The following NARS2 variants were observed in gnomAD, a reference collection of about 807,000 sequenced individuals.
NARS2 encodes the protein asparaginyl-tRNA synthetase.
In NARS2, 60 loss-of-function variants were observed where a neutral mutation model predicts 62.9. That is an observed-to-expected ratio of 0.95 (90% CI 0.77 to 1.18). NARS2 has a LOEUF of 1.18. NARS2 is among the 50% of genes most tolerant of loss of function. NARS2 has a pLI of 0.00. For missense variants in NARS2, 619 were observed against 576.4 expected (o/e 1.07, Z -0.76); for synonymous variants, 196 against 200.0 (o/e 0.98, Z 0.17).
intron 5 of NARS2, among the ~76,000 whole-genome samples, chr11:78,536,753 T>G (rs1450320445): frequency 6.6e-6 from 1 of 152,174 alleles, no homozygotes; most frequent in Non-Finnish European, 1.5e-5. Flanking sequence ...AAATTTAGTG[T>G]AGCTTAAGTA....
intron 6 of NARS2, among the ~76,000 whole-genome samples, chr11:78,519,637 C>A (rs974353934): frequency 6.6e-6 from 1 of 151,602 alleles, no homozygotes; most frequent in Non-Finnish European, 1.5e-5. Context: ...ATTATATGAA[C>A]AAATCATAAA....
chr11:78,569,413 C>T (rs1856843840), intron 2 of NARS2, among the ~76,000 whole-genome samples: 1 of 152,198 alleles, frequency 6.6e-6, no homozygotes, highest in South Asian at 2.1e-4. Context: ...CCTTGGCCTC[C>T]CAAAGTGCTG....
chr11:78,498,668 G>A (rs1218305868), intron 6 of NARS2, among the ~76,000 whole-genome samples: 1 of 84,294 alleles, frequency 1.2e-5, no homozygotes, highest in Non-Finnish European at 2.4e-5. Context: ...TTCCCAATAC[G>A]CTCTTTTTTT....
Position 78,493,237 on chromosome 11 carries a change from ATTAATT to A in NARS2, c.690-48_690-43del, listed in dbSNP as rs1301482553. The A allele has an allele frequency of 3.3e-6, 5 of 1,518,310 alleles. No homozygotes were observed. In the African/African-American group the frequency reaches 6.6e-5, roughly 20 times the overall value. The allele number at this position is 1,518,310 out of a possible 1,614,324, so 94.1% of individuals were successfully genotyped here. ...AGAGAATGCAAATAGAATTCACATG[ATTAATT>A]TTAAGTATTTAAATATTCAGTGAGC... On this transcript the variant is annotated intron_variant, in intron 6 of 13. Coordinates refer to ENST00000281038, the MANE Select transcript of NARS2 (RefSeq NM_024678.6).
intron 3 of NARS2, among the ~76,000 whole-genome samples, chr11:78,567,579 C>G (rs974054569): frequency 6.6e-6 from 1 of 152,022 alleles, no homozygotes; most frequent in South Asian, 2.1e-4. Flanking sequence ...AAATGGTTAC[C>G]GTCTATATTA....
intron 5 of NARS2, among the ~76,000 whole-genome samples, chr11:78,545,968 T>C (rs1855859330): frequency 6.6e-6 from 1 of 152,242 alleles, no homozygotes; most frequent in Non-Finnish European, 1.5e-5. Context: ...CTGTTCTGAT[T>C]ACCTATTGGT....
chr11:78,542,912 A>AC (rs983112477), intron 5 of NARS2, among the ~76,000 whole-genome samples: 10 of 151,956 alleles, frequency 6.6e-5, no homozygotes, highest in East Asian at 3.9e-4. Flanking sequence ...GTCAAAACAA[A>AC]CCCCCCCACA....
rs566970702 is a variant in NARS2 at position 78,515,822 on chromosome 11, C to G, written c.689+13020G>C. Reference sequence around the variant, plus strand: ...TACAGCCCTGAGCCACTGCACCTGGCCTGAACTGTGTACTTTTAATGGATG... The same window carrying G: ...TACAGCCCTGAGCCACTGCACCTGGGCTGAACTGTGTACTTTTAATGGATG... On this transcript the variant is annotated intron_variant, in intron 6 of 13. Transcript: ENST00000281038. Among the ~76,000 whole-genome samples, 3 of 152,310 alleles carry G rather than the reference C, an allele frequency of 2.0e-5. No homozygotes were observed. The East Asian group carries it at 5.8e-4, about 29-fold the overall frequency.
chr11:78,464,452 T>C (rs1386156458), intron 11 of NARS2, among the ~76,000 whole-genome samples: 1 of 152,166 alleles, frequency 6.6e-6, no homozygotes, highest in Non-Finnish European at 1.5e-5. Flanking sequence ...GTGGTCTGTT[T>C]TGACAGGGCG....
At chr11:78,512,918 T>A (rs1860769161) in intron 6 of NARS2, among the ~76,000 whole-genome samples, 1 of 152,206 alleles carries the variant, frequency 6.6e-6, no homozygotes, top group East Asian at 1.9e-4. Context: ...TTATTCTTTG[T>A]GTTACAAACA....
chr11:78,439,684 A>AT (rs924671454), intron 13 of NARS2, among the ~76,000 whole-genome samples: 7 of 152,046 alleles, frequency 4.6e-5, no homozygotes, highest in Admixed American at 6.6e-5. Flanking sequence ...CCAATTTTAG[A>AT]TTTTTTTGCA....
chr11:78,560,239 C>T (rs909650588), intron 4 of NARS2, among the ~76,000 whole-genome samples: 11 of 152,176 alleles, frequency 7.2e-5, no homozygotes, highest in African/African-American at 2.7e-4. Context: ...CAATGGACTC[C>T]ACATGGCACA....
At chr11:78,556,943 G>A (rs764988075) in intron 5 of NARS2, among the ~76,000 whole-genome samples, 17 of 152,290 alleles carry the variant, frequency 1.1e-4, no homozygotes, top group African/African-American at 1.9e-4. Context: ...CCAACTTACC[G>A]GCTTGACAGG....
At chr11:78,509,991 A>C (rs960801736) in intron 6 of NARS2, among the ~76,000 whole-genome samples, 3 of 152,172 alleles carry the variant, frequency 2.0e-5, no homozygotes, top group Non-Finnish European at 2.9e-5. Context: ...AATATATGCA[A>C]AAGAAAATAA....
chr11:78,514,908 T>C (rs75835364), intron 6 of NARS2, among the ~76,000 whole-genome samples: 2,148 of 152,224 alleles, frequency 0.014, 43 homozygotes, highest in African/African-American at 0.049. Context: ...AAAATGAAGT[T>C]AAAATGGTGA....
At chr11:78,439,319 G>A (rs1362018466) in intron 13 of NARS2, among the ~76,000 whole-genome samples, 2 of 152,092 alleles carry the variant, frequency 1.3e-5, no homozygotes, top group South Asian at 2.1e-4. Context: ...GATTACAGCC[G>A]TGAGCCACCG....
intron 11 of NARS2, among the ~76,000 whole-genome samples, chr11:78,452,151 CAGGCTGG>C (rs1857993289): frequency 6.6e-6 from 1 of 151,636 alleles, no homozygotes; most frequent in South Asian, 2.1e-4. Context: ...ACTCTGTTGC[CAGGCTGG>C]AGTGTAGTGG....
chr11:78,518,258 C>T (rs879262717), intron 6 of NARS2, among the ~76,000 whole-genome samples: 24 of 152,074 alleles, frequency 1.6e-4, no homozygotes, highest in African/African-American at 5.6e-4. Flanking sequence ...TATGCAAATA[C>T]GTGGGCATCT....
chr11:78,532,653 C>T (rs1861521425), intron 5 of NARS2, among the ~76,000 whole-genome samples: 1 of 152,134 alleles, frequency 6.6e-6, no homozygotes, highest in Admixed American at 6.6e-5. Flanking sequence ...ATTTTTCTTG[C>T]CCTGTAAAAC....
Sources: allele counts gnomAD v4.1 joint callset (sites outside exome capture counted in the v4.1 genomes callset), GRCh38; gene constraint gnomAD v4.1.1; transcripts MANE v1.5; gene names NCBI Gene and HGNC (gene_info 2026-07-23, HGNC 2026-07-21).